Variants in MAGI1 observed in about 807,000 individuals in gnomAD.
MAGI1 encodes the protein membrane associated guanylate kinase, WW and PDZ domain containing 1.
In MAGI1, 58 loss-of-function variants were observed where a neutral mutation model predicts 139.9. The ratio of observed to expected loss-of-function variants is 0.41; its 90% CI spans 0.34 to 0.52. The LOEUF is 0.52. MAGI1 is among the 20% of genes least tolerant of loss of function. The probability of loss-of-function intolerance (pLI) is 0.12; values close to 1 mark genes in which losing one functional copy is unlikely to be tolerated. For missense variants in MAGI1, 1,874 were observed against 1,901.6 expected (o/e 0.99, Z 0.27); for synonymous variants, 812 against 737.9 (o/e 1.10, Z -1.63).
chr3:65,740,734 T>C (rs188102933), intron 1 of MAGI1, among the ~76,000 whole-genome samples: 1 of 152,316 alleles, frequency 6.6e-6, no homozygotes. Flanking sequence ...ATAAAACCAC[T>C]GCTTTCAGCC....
At chr3:65,411,560 T>C (rs1945794490) in intron 12 of MAGI1, among the ~76,000 whole-genome samples, 1 of 152,162 alleles carries the variant, frequency 6.6e-6, no homozygotes, top group Admixed American at 6.6e-5. Flanking sequence ...GGATTCCTTT[T>C]CTGGGTTGGA....
At chr3:65,428,139 T>C (rs933702057) in intron 12 of MAGI1, among the ~76,000 whole-genome samples, 3 of 152,228 alleles carry the variant, frequency 2.0e-5, no homozygotes, top group Non-Finnish European at 2.9e-5. Flanking sequence ...CATGAAAACA[T>C]GAGAATCTGG....
chr3:66,006,805 G>GGTTTTGTTTT (rs10529713), intron 1 of MAGI1, among the ~76,000 whole-genome samples: 8,691 of 147,808 alleles, frequency 0.059, 390 homozygotes, highest in African/African-American at 0.1. Flanking sequence ...TGAAGAACAT[G>GGTTTTGTTTT]GTTTTGTTTT....
chr3:65,857,245 T>C (rs1559948557), intron 1 of MAGI1, among the ~76,000 whole-genome samples: 1 of 152,110 alleles, frequency 6.6e-6, no homozygotes, highest in East Asian at 1.9e-4. Context: ...AAAAGAAACA[T>C]GAGAGAGTAC....
chr3:65,867,593 G>C (rs2059774039), intron 1 of MAGI1, among the ~76,000 whole-genome samples: 1 of 152,110 alleles, frequency 6.6e-6, no homozygotes. Context: ...AAATTAGCCA[G>C]GTATAGTGGC....
At chr3:65,622,936 T>C (rs2083763865) in intron 1 of MAGI1, among the ~76,000 whole-genome samples, 1 of 152,148 alleles carries the variant, frequency 6.6e-6, no homozygotes, top group Non-Finnish European at 1.5e-5. Flanking sequence ...AAGGGAGCAA[T>C]TAAAGCACAA....
chr3:65,581,292 T>G (rs1030303197), intron 2 of MAGI1, among the ~76,000 whole-genome samples: 1 of 152,048 alleles, frequency 6.6e-6, no homozygotes, highest in Non-Finnish European at 1.5e-5. Flanking sequence ...TATGAACCTT[T>G]ACTAAAGATC....
At chr3:65,842,417 A>G (rs1378688013) in intron 1 of MAGI1, among the ~76,000 whole-genome samples, 3 of 149,454 alleles carry the variant, frequency 2.0e-5, no homozygotes, top group Admixed American at 6.7e-5. Context: ...CTGGAGTGCA[A>G]TGGCGCAATC....
intron 1 of MAGI1, among the ~76,000 whole-genome samples, chr3:65,980,391 C>A (rs538021934): frequency 6.6e-6 from 1 of 151,382 alleles, no homozygotes; most frequent in Admixed American, 6.6e-5. Context: ...GGTGAAACAC[C>A]GTCTCTACTA....
intron 1 of MAGI1, among the ~76,000 whole-genome samples, chr3:65,965,701 C>G (rs1030313084): frequency 2.0e-5 from 3 of 151,640 alleles, no homozygotes; most frequent in African/African-American, 7.3e-5. Context: ...GTTTTTGAGA[C>G]GGAGTCTTAC....
At chr3:65,817,890 T>C (rs528811378) in intron 1 of MAGI1, among the ~76,000 whole-genome samples, 1 of 152,230 alleles carries the variant, frequency 6.6e-6, no homozygotes, top group South Asian at 2.1e-4. Flanking sequence ...GAAAAGCTAA[T>C]CGTAAAAGAA....
At chr3:65,748,299 T>A (rs1323109578) in intron 1 of MAGI1, among the ~76,000 whole-genome samples, 2 of 152,186 alleles carry the variant, frequency 1.3e-5, no homozygotes, top group Admixed American at 1.3e-4. Flanking sequence ...GCAGGCCCCA[T>A]GCCCACTTTC....
chr3:65,780,108 G>A (rs1180469071), intron 1 of MAGI1, among the ~76,000 whole-genome samples: 1 of 152,064 alleles, frequency 6.6e-6, no homozygotes, highest in African/African-American at 2.4e-5. Flanking sequence ...CTGCAGCCTG[G>A]ACATTGTGGG....
At chr3:65,706,202 T>A (rs2030251542) in intron 1 of MAGI1, among the ~76,000 whole-genome samples, 1 of 152,198 alleles carries the variant, frequency 6.6e-6, no homozygotes, top group African/African-American at 2.4e-5. Context: ...GCTTTGCAAA[T>A]GGGATTTAAA....
At chr3:65,543,926 T>A (rs1164742919) in intron 2 of MAGI1, among the ~76,000 whole-genome samples, 1 of 152,062 alleles carries the variant, frequency 6.6e-6, no homozygotes, top group Non-Finnish European at 1.5e-5. Context: ...AGGAAGATGT[T>A]TATCACAGCT....
At chr3:66,028,825 T>C (rs1405913773) in intron 1 of MAGI1, among the ~76,000 whole-genome samples, 1 of 152,120 alleles carries the variant, frequency 6.6e-6, no homozygotes, top group Non-Finnish European at 1.5e-5. Flanking sequence ...AGCATCTGAA[T>C]CAAGCAGAAA....
rs141021957 is a variant in MAGI1 at position 65,506,368 on chromosome 3, G to C, written c.431-12737C>G. On this transcript the variant is annotated intron_variant, in intron 2 of 22. Transcript: ENST00000402939. ...GCCCGCCCCCAACAACATACTCTGT[G>C]CTTCTAAAGGGAAATGGTTATGGAA... Among the ~76,000 whole-genome samples, 718 of 152,274 alleles carry C rather than the reference G, an allele frequency of 4.7e-3. 19 individuals are homozygous for C. Among genetic ancestry groups the C allele is most frequent in the Admixed American group, 0.042 (649 of 15,302 alleles).
In MAGI1 at chr3:65,429,696, C is replaced by T. The variant is rs764641378; in HGVS notation, c.1991G>A (p.Gly664Asp). The change falls in exon 12 of 23, where the codon GGT (glycine) becomes GAT (aspartate). Residue 664 changes from glycine to aspartate, a missense_variant. Gly to Asp is a moderately conservative substitution (Grantham distance 94, BLOSUM62 -1). This residue lies in a region of MAGI1 where 482 missense variants were observed against 509.6 expected (regional missense o/e 0.95). Transcript: ENST00000402939. Reference protein sequence around the residue: ...GFTIADSPGGGGQRVKQIVDS... With the variant: ...GFTIADSPGGDGQRVKQIVDS... ...AACAATCTGTTTCACTCTTTGGCCA[C>T]CCCCACCAGGACTGTCTGCGATAGT... 17 of 1,613,910 alleles carry T rather than the reference C, an allele frequency of 1.1e-5. No individual in the cohort carries two copies. The South Asian group carries it at 1.8e-4, about 17-fold the overall frequency.
intron 1 of MAGI1, among the ~76,000 whole-genome samples, chr3:65,760,907 C>A (rs908225177): frequency 1.3e-5 from 2 of 152,098 alleles, no homozygotes; most frequent in African/African-American, 4.8e-5. Context: ...AGGGAGGCTT[C>A]GTAGAAACAC....
Sources: gnomAD v4.1 joint callset for allele counts (sites outside exome capture counted in the v4.1 genomes callset) on GRCh38, gnomAD v4.1.1 for gene constraint, gnomAD v4.1.1 regional missense constraint, MANE v1.5 for transcripts, NCBI Gene and HGNC (gene_info 2026-07-23, HGNC 2026-07-21) for gene names.